ZNF843: variants seen among roughly 807,000 people sequenced by gnomAD.
ZNF843 encodes zinc finger protein 843.
For missense variants in ZNF843, 482 were observed against 469.4 expected (o/e 1.03, Z -0.25); for synonymous variants, 185 against 207.7 (o/e 0.89, Z 0.94).
At position 31,435,489 on chromosome 16, in the gene ZNF843, A is replaced by C; in HGVS notation, c.*314T>G. The stretch of plus-strand genomic sequence containing the variant: ...TATTTCACAGAGATGCGGTCTCGCT[A>C]GGCTGCCCAGGCTAGTCTCAAATTC... On this transcript the variant is annotated 3_prime_UTR_variant, in exon 2 of 2. Coordinates refer to ENST00000315678, the MANE Select transcript of ZNF843 (RefSeq NM_001136509.3). 4.3e-6 allele frequency: 1 copy of C among 234,072 alleles called. No homozygotes were observed. The highest frequency in any genetic ancestry group is 8.2e-6 in the Non-Finnish European group (1 of 121,692). 14.5% of individuals were successfully genotyped at this position (234,072 alleles called of 1,614,324 possible).
intron 1 of ZNF843, among the ~76,000 whole-genome samples, chr16:31,438,723 T>G (rs1377978463): frequency 6.6e-6 from 1 of 151,950 alleles, no homozygotes; most frequent in Non-Finnish European, 1.5e-5. Context: ...TTAATACCCC[T>G]ATGCCAAAAA....
Position 31,436,999 on chromosome 16 carries a change from G to A in ZNF843, c.-150C>T, listed in dbSNP as rs995472869. The A allele has an allele frequency of 4.3e-6, 3 of 695,994 alleles. No homozygotes were observed. The highest frequency in any genetic ancestry group is 3.6e-5 in the African/African-American group (2 of 55,374). The allele number at this position is 695,994 out of a possible 1,614,324, so 43.1% of individuals were successfully genotyped here. On this transcript the variant is annotated 5_prime_UTR_variant, in exon 2 of 2. Coordinates refer to ENST00000315678, the MANE Select transcript of ZNF843 (RefSeq NM_001136509.3). ...CAGCACCCGGCCCCAGGCCTCGGGG[G>A]CTGTCTGGAGAGTTCTCTAATGTAA...
In ZNF843 at chr16:31,436,924, G is replaced by T; in HGVS notation, c.-75C>A. On this transcript the variant is annotated 5_prime_UTR_variant, in exon 2 of 2. Coordinates refer to ENST00000315678, the MANE Select transcript of ZNF843 (RefSeq NM_001136509.3). ...TTGCCGCACTTGGCGCAGCTGTGGGGCCTCTGCCGCACTCAGGCTTCCCGT... is the reference window on the plus strand; with the variant it reads ...TTGCCGCACTTGGCGCAGCTGTGGGTCCTCTGCCGCACTCAGGCTTCCCGT... The T allele has an allele frequency of 7.3e-7, 1 of 1,371,242 alleles. No individual in the cohort carries two copies. Among genetic ancestry groups the T allele is most frequent in the Non-Finnish European group, 9.8e-7 (1 of 1,024,332 alleles). 84.9% of individuals were successfully genotyped at this position (1,371,242 alleles called of 1,614,324 possible). A position where few individuals can be genotyped will look rare whatever the true frequency, so the allele number is the denominator to read the frequency against.
In ZNF843 at chr16:31,436,877, G is replaced by C; in HGVS notation, c.-28C>G. Reference sequence around the variant, plus strand: ...GCAGGGCTTCGGAGATGACCGCTCAGGGAGTAACTGTACGGGAGGCTTTGC... The same window carrying C: ...GCAGGGCTTCGGAGATGACCGCTCACGGAGTAACTGTACGGGAGGCTTTGC... On this transcript the variant is annotated 5_prime_UTR_variant, in exon 2 of 2. Transcript: ENST00000315678. 2 of 1,493,084 alleles carry C rather than the reference G, an allele frequency of 1.3e-6. No homozygotes were observed. The highest frequency in any genetic ancestry group is 1.3e-5 in the South Asian group (1 of 74,392). 92.5% of individuals were successfully genotyped at this position (1,493,084 alleles called of 1,614,324 possible). A position where few individuals can be genotyped will look rare whatever the true frequency, so the allele number is the denominator to read the frequency against.
chr16:31,438,036 G>C (rs1356102106), intron 1 of ZNF843, among the ~76,000 whole-genome samples: 1 of 152,174 alleles, frequency 6.6e-6, no homozygotes, highest in Non-Finnish European at 1.5e-5. Flanking sequence ...TGTAGCAAGA[G>C]GCTGGGCGCA....
In ZNF843 at chr16:31,435,772, A is replaced by G. The variant is rs1026428026; in HGVS notation, c.*31T>C. ...CCACAGTCCACCGGCGGCTGCAACAATTCCACCCAGGGCTGCAGCACGCTG... is the reference window on the plus strand; with the variant it reads ...CCACAGTCCACCGGCGGCTGCAACAGTTCCACCCAGGGCTGCAGCACGCTG... On this transcript the variant is annotated 3_prime_UTR_variant, in exon 2 of 2. Transcript: ENST00000315678. The G allele has an allele frequency of 7.7e-6, 11 of 1,437,796 alleles. No homozygotes were observed. In the African/African-American group the frequency reaches 1.0e-4, roughly 13 times the overall value. 89.1% of individuals were successfully genotyped at this position (1,437,796 alleles called of 1,614,324 possible).
intron 1 of ZNF843, among the ~76,000 whole-genome samples, chr16:31,440,298 A>T (rs1881819007): frequency 6.6e-6 from 1 of 152,222 alleles, no homozygotes; most frequent in Admixed American, 6.5e-5. Flanking sequence ...CATCTCCTCT[A>T]CAAAAAATAT....
At position 31,435,962 on chromosome 16, in the gene ZNF843, C is replaced by A; in HGVS notation, c.888G>T (p.Ser296=). The A allele has an allele frequency of 6.5e-7, 1 of 1,530,818 alleles. No individual in the cohort carries two copies. The highest frequency in any genetic ancestry group is 8.8e-7 in the Non-Finnish European group (1 of 1,136,320). The allele number at this position is 1,530,818 out of a possible 1,614,324, so 94.8% of individuals were successfully genotyped here. ...PGYPEPARKA[S]QHRAAGPLGE... ...CGAGCGGTCCGGCCGCTCTGTGCTG[C>A]GAGGCCTTCCGGGCTGGCTCAGGGT... Residue 296 remains serine, a synonymous_variant, in exon 2 of 2, where the codon TCG becomes TCT. Transcript: ENST00000315678.
intron 1 of ZNF843, among the ~76,000 whole-genome samples, chr16:31,440,910 G>GT (rs1228208584): frequency 6.6e-6 from 1 of 152,208 alleles, no homozygotes; most frequent in African/African-American, 2.4e-5. Flanking sequence ...CAGGCTGCCA[G>GT]AAATTTCCAT....
At position 31,436,499 on chromosome 16, in the gene ZNF843, A is replaced by G. The variant is rs763613527; in HGVS notation, c.351T>C (p.Arg117=). Residue 117 remains arginine, a synonymous_variant, in exon 2 of 2, where the codon CGT becomes CGC. Transcript: ENST00000315678. ...TKEHTLAEAL[R]LSPVPAGFWG... ...AAAAACCTGCTGGTACTGGGGACAG[A>G]CGCAGGGCTTCGGCCAGTGTGTGCT... The G allele has an allele frequency of 6.4e-7, 1 of 1,551,562 alleles. No individual in the cohort carries two copies. The highest frequency in any genetic ancestry group is 1.2e-5 in the South Asian group (1 of 84,024).
At chr16:31,440,832 G>A (rs192007327) in intron 1 of ZNF843, among the ~76,000 whole-genome samples, 12 of 152,294 alleles carry the variant, frequency 7.9e-5, no homozygotes, top group East Asian at 7.7e-4. Context: ...AGCAATTCCC[G>A]CAGCTCTCCT....
rs1221567068 is a variant in ZNF843 at position 31,436,487 on chromosome 16, T to C, written c.363A>G (p.Val121=). 1 of 1,551,660 alleles carries C rather than the reference T, an allele frequency of 6.4e-7. No individual in the cohort carries two copies. Among genetic ancestry groups the C allele is most frequent in the South Asian group, 1.2e-5 (1 of 84,040 alleles). The change falls in exon 2 of 2, where the codon GTA becomes GTG. Residue 121 remains valine, a synonymous_variant. Transcript: ENST00000315678. ...CCACCGGTCCCCAAAAACCTGCTGG[T>C]ACTGGGGACAGACGCAGGGCTTCGG... ...TLAEALRLSP[V]PAGFWGPVEA... is the part of the protein sequence containing the mutation.
Position 31,435,660 on chromosome 16 carries a change from A to T in ZNF843, c.*143T>A, listed in dbSNP as rs1224132462. 2 of 754,840 alleles carry T rather than the reference A, an allele frequency of 2.6e-6. No homozygotes were observed. Among genetic ancestry groups the T allele is most frequent in the Non-Finnish European group, 2.0e-6 (1 of 510,940 alleles). The allele number at this position is 754,840 out of a possible 1,614,324, so 46.8% of individuals were successfully genotyped here. A position where few individuals can be genotyped will look rare whatever the true frequency, so the allele number is the denominator to read the frequency against. On this transcript the variant is annotated 3_prime_UTR_variant, in exon 2 of 2. Transcript: ENST00000315678. ...TCAGGGGAAAAAAAACAAACAAAAT[A>T]GCCCCCAGCACTTCTGAGAAAGATC...
chr16:31,441,632 C>T (rs1367568376), intron 1 of ZNF843, among the ~76,000 whole-genome samples: 1 of 151,760 alleles, frequency 6.6e-6, no homozygotes, highest in Non-Finnish European at 1.5e-5. Context: ...CAGGTGTGCA[C>T]CACCACACCT....
Position 31,435,909 on chromosome 16 carries a change from T to C in ZNF843, c.941A>G (p.Gln314Arg), listed in dbSNP as rs2082177366. 2 of 1,544,682 alleles carry C rather than the reference T, an allele frequency of 1.3e-6. No homozygotes were observed. Among genetic ancestry groups the C allele is most frequent in the Non-Finnish European group, 8.7e-7 (1 of 1,143,798 alleles). Residue 314 changes from glutamine (Q) to arginine (R), a missense_variant, in exon 2 of 2, where the codon CAG (glutamine) becomes CGG (arginine). Coordinates refer to ENST00000315678, the MANE Select transcript of ZNF843 (RefSeq NM_001136509.3). Reference protein sequence around the residue: ...LGEARARLQRQCRAPPPPSNP... With the variant: ...LGEARARLQRRCRAPPPPSNP... ...CGAGGGCGGTGGAGGAGCTCGGCAC[T>C]GTCGCTGAAGCCTGGCCCTGGCCTC... is the stretch of plus-strand genomic sequence containing the variant.
intron 1 of ZNF843, among the ~76,000 whole-genome samples, chr16:31,439,368 C>T (rs1323195325): frequency 6.6e-6 from 1 of 152,224 alleles, no homozygotes; most frequent in Non-Finnish European, 1.5e-5. Context: ...ACACTTACCA[C>T]ATGACTCAAT....
chr16:31,441,870 A>C (rs2082202251), intron 1 of ZNF843, among the ~76,000 whole-genome samples: 2 of 152,188 alleles, frequency 1.3e-5, no homozygotes, highest in African/African-American at 4.8e-5. Context: ...GTCACAAGAT[A>C]AATTTTAACC....
At position 31,435,960 on chromosome 16, in the gene ZNF843, T is replaced by A. The variant is rs774595657; in HGVS notation, c.890A>T (p.Gln297Leu). Reference sequence around the variant, plus strand: ...GCCGAGCGGTCCGGCCGCTCTGTGCTGCGAGGCCTTCCGGGCTGGCTCAGG... The same window carrying A: ...GCCGAGCGGTCCGGCCGCTCTGTGCAGCGAGGCCTTCCGGGCTGGCTCAGG... The part of the protein sequence containing the change: ...GYPEPARKAS[Q>L]HRAAGPLGEA... The change falls in exon 2 of 2, where the codon CAG (glutamine) becomes CTG (leucine). Residue 297 changes from glutamine to leucine, a missense_variant. Transcript: ENST00000315678. 5.9e-6 allele frequency: 9 copies of A among 1,532,524 alleles called. No individual in the cohort carries two copies. The highest frequency in any genetic ancestry group is 7.0e-6 in the Non-Finnish European group (8 of 1,137,158). The allele number at this position is 1,532,524 out of a possible 1,614,324, so 94.9% of individuals were successfully genotyped here.
intron 1 of ZNF843, among the ~76,000 whole-genome samples, chr16:31,438,240 T>A (rs961697001): frequency 6.6e-6 from 1 of 152,124 alleles, no homozygotes; most frequent in Non-Finnish European, 1.5e-5. Flanking sequence ...AGAAAGACAT[T>A]ATTGCTTTAT....
Sources: gnomAD v4.1 joint callset for allele counts (sites outside exome capture counted in the v4.1 genomes callset) on GRCh38, gnomAD v4.1.1 for gene constraint, MANE v1.5 for transcripts, NCBI Gene and HGNC (gene_info 2026-07-23, HGNC 2026-07-21) for gene names.